The following PLBD2 variants were observed in gnomAD, a reference collection of about 807,000 sequenced individuals.
The protein encoded by PLBD2 is putative aminopeptidase PLBD2.
In PLBD2, 51 loss-of-function variants were observed where a neutral mutation model predicts 68.3. That is an observed-to-expected ratio of 0.75 (90% confidence interval 0.60 to 0.94). The LOEUF (loss-of-function observed/expected upper bound fraction) is 0.94, where lower values mean the gene tolerates loss of function less well. Among genes scored for constraint, PLBD2 ranks in the 40% least tolerant of loss-of-function variants. PLBD2 has a pLI of 0.00. For missense variants in PLBD2, 729 were observed against 792.2 expected (o/e 0.92, Z 0.96); for synonymous variants, 314 against 339.3 (o/e 0.93, Z 0.82).
At chr12:113,378,683 C>CTT (rs767651572) in intron 5 of PLBD2, among the ~76,000 whole-genome samples, 6 of 140,760 alleles carry the variant, frequency 4.3e-5, no homozygotes, top group Non-Finnish European at 6.2e-5. Flanking sequence ...TTTTCCTTTC[C>CTT]TTTTTTTTTT....
rs1393661164 is a variant in PLBD2, at chr12:113,374,804, T to A, written c.656T>A (p.Leu219His). 2 of 1,613,532 alleles carry A rather than the reference T, an allele frequency of 1.2e-6. No individual in the cohort carries two copies. The highest frequency in any genetic ancestry group is 2.7e-5 in the African/African-American group (2 of 74,890). ...CTGGCCCTCCTCAGCCTGCTGCAGC[T>A]CTCTGGGGACCTGGAAGACCTGGAG... ...IKPLGFLLLQ[L>H]SGDLEDLELA... Residue 219 changes from leucine to histidine, a missense_variant, in exon 5 of 12, where the codon CTC (leucine) becomes CAC (histidine). Coordinates refer to ENST00000280800, the MANE Select transcript of PLBD2 (RefSeq NM_173542.4).
At position 113,387,212 on chromosome 12, in the gene PLBD2, G is replaced by A. The variant is rs1957561298; in HGVS notation, c.1439+123G>A. The A allele has an allele frequency of 3.1e-6, 4 of 1,291,794 alleles. No homozygotes were observed. The Admixed American group carries it at 1.1e-4, about 36-fold the overall frequency. The allele number at this position is 1,291,794 out of a possible 1,614,324, so 80.0% of individuals were successfully genotyped here. A position where few individuals can be genotyped will look rare whatever the true frequency, so the allele number is the denominator to read the frequency against. On this transcript the variant is annotated intron_variant, in intron 10 of 11. Transcript: ENST00000280800. Reference sequence around the variant, plus strand: ...CAGCCCCAGAGGGCCAGCAGGGGGTGGTCAGATGTTGGACACCAGTGCAGC... The same window carrying A: ...CAGCCCCAGAGGGCCAGCAGGGGGTAGTCAGATGTTGGACACCAGTGCAGC...
At position 113,384,371 on chromosome 12, in the gene PLBD2, A is replaced by T. The variant is rs936135210; in HGVS notation, c.1118+106A>T. On this transcript the variant is annotated intron_variant, in intron 7 of 11. Transcript: ENST00000280800. This position sits in a 1 kb window ranked among gnomAD's most constrained non-coding sequence, Gnocchi z 4.2. ...ACCAGATGTGGCATCCGGGCCACAC[A>T]CCCCACGCCCTCCTTTGTTTCATAC... The T allele has an allele frequency of 3.7e-5, 50 of 1,346,592 alleles. No homozygotes were observed. Among genetic ancestry groups the T allele is most frequent in the Non-Finnish European group, 4.6e-5 (46 of 992,438 alleles). 83.4% of individuals were successfully genotyped at this position (1,346,592 alleles called of 1,614,324 possible).
intron 11 of PLBD2, 112 bp downstream of exon 11, chr12:113,388,018 G>C (rs879602810): frequency 7.4e-5 from 100 of 1,353,056 alleles, no homozygotes; most frequent in Non-Finnish European, 9.7e-5. Flanking sequence ...ATCACAGTCG[G>C]AATTGGGCTG....
At chr12:113,366,777 C>T (rs1447677100) in intron 1 of PLBD2, among the ~76,000 whole-genome samples, 2 of 150,542 alleles carry the variant, frequency 1.3e-5, no homozygotes, top group Non-Finnish European at 3.0e-5. Flanking sequence ...TCTCCCCACT[C>T]CCCTCCTTCC....
At position 113,380,644 on chromosome 12, in the gene PLBD2, G is replaced by A. The variant is rs575599029; in HGVS notation, c.860-101G>A. On this transcript the variant is annotated intron_variant, in intron 5 of 11. Transcript: ENST00000280800. ...AGGACACAGTGGGGGCTTCCTCGGAGGCCTGCCTGTGCCCCTGTGCCTGTG... is the reference window on the plus strand; with the variant it reads ...AGGACACAGTGGGGGCTTCCTCGGAAGCCTGCCTGTGCCCCTGTGCCTGTG... 2,578 of 902,832 alleles carry A rather than the reference G, an allele frequency of 2.9e-3. 7 individuals are homozygous for A. Among genetic ancestry groups the A allele is most frequent in the South Asian group, 5.7e-3 (396 of 69,092 alleles). 55.9% of individuals were successfully genotyped at this position (902,832 alleles called of 1,614,324 possible). A position where few individuals can be genotyped will look rare whatever the true frequency, so the allele number is the denominator to read the frequency against.
chr12:113,378,928 C>G (rs916859787), intron 5 of PLBD2, among the ~76,000 whole-genome samples: 2 of 152,186 alleles, frequency 1.3e-5, no homozygotes, highest in Admixed American at 6.5e-5. Flanking sequence ...CTGACCTTGG[C>G]CTTCCAAAGT....
At chr12:113,386,049 A>C (rs1957548841) in intron 9 of PLBD2, among the ~76,000 whole-genome samples, 1 of 152,172 alleles carries the variant, frequency 6.6e-6, no homozygotes, top group Non-Finnish European at 1.5e-5. Flanking sequence ...CCACACCCGG[A>C]CTGAAGGCAG....
chr12:113,388,340 A>G, intron 11 of PLBD2, 119 bp from the exon 12 acceptor site: 1 of 1,080,360 alleles, frequency 9.3e-7, no homozygotes, highest in Non-Finnish European at 1.3e-6. Flanking sequence ...GAGACTCAAA[A>G]AAAAAAAAAG....
chr12:113,388,830 C>T lies in PLBD2; in HGVS notation c.*204C>T, dbSNP rs2136927089. 2 of 510,144 alleles carry T rather than the reference C, an allele frequency of 3.9e-6. No individual in the cohort carries two copies. The highest frequency in any genetic ancestry group is 3.4e-5 in the South Asian group (1 of 29,138). 31.6% of individuals were successfully genotyped at this position (510,144 alleles called of 1,614,324 possible). ...CTCTCTCCCCCGAGGTGGGTGGGCA[C>T]CGTGGCGTCTCTTCTGCCCTGCCCT... On this transcript the variant is annotated 3_prime_UTR_variant, in exon 12 of 12. Coordinates refer to ENST00000280800, the MANE Select transcript of PLBD2 (RefSeq NM_173542.4).
chr12:113,380,892 G>T (rs1403265164), intron 6 of PLBD2, 50 bp downstream of exon 6: 1 of 1,495,256 alleles, frequency 6.7e-7, no homozygotes, highest in South Asian at 1.2e-5. Context: ...TTGTCACACG[G>T]CGGCTCTGAG....
At position 113,384,781 on chromosome 12, in the gene PLBD2, A is replaced by C; in HGVS notation, c.1119-70A>C. 1 of 1,298,224 alleles carries C rather than the reference A, an allele frequency of 7.7e-7. No individual in the cohort carries two copies. Among genetic ancestry groups the C allele is most frequent in the Non-Finnish European group, 1.1e-6 (1 of 902,860 alleles). 80.4% of individuals were successfully genotyped at this position (1,298,224 alleles called of 1,614,324 possible). A position where few individuals can be genotyped will look rare whatever the true frequency, so the allele number is the denominator to read the frequency against. On this transcript the variant is annotated intron_variant, in intron 7 of 11. Coordinates refer to ENST00000280800, the MANE Select transcript of PLBD2 (RefSeq NM_173542.4). This position sits in a 1 kb window ranked among gnomAD's most constrained non-coding sequence, Gnocchi z 4.2. ...CCTGTAATTCCTAGCTGAGTGGGAC[A>C]CTGCAGGGTGGGGAAAGCTGGGGAG...
chr12:113,388,335 TC>T, intron 11 of PLBD2, 123 bp from the exon 12 acceptor site: 1 of 872,616 alleles, frequency 1.1e-6, no homozygotes, highest in African/African-American at 1.8e-5. Flanking sequence ...GAGCAGAGAC[TC>T]AAAAAAAAAA....
chr12:113,378,301 A>G (rs1243925404), intron 5 of PLBD2, among the ~76,000 whole-genome samples: 1 of 152,116 alleles, frequency 6.6e-6, no homozygotes, highest in African/African-American at 2.4e-5. Flanking sequence ...CAAAAAAAAA[A>G]AAAAATTTCC....
intron 1 of PLBD2, among the ~76,000 whole-genome samples, chr12:113,359,811 CAG>C (rs66697127): frequency 0.036 from 5,551 of 152,284 alleles, 149 homozygotes; most frequent in Middle Eastern, 0.092. Flanking sequence ...GAAGAGAAAT[CAG>C]AGTCAGTGGG....
chr12:113,366,014 A>G (rs1957339102), intron 1 of PLBD2, among the ~76,000 whole-genome samples: 1 of 152,138 alleles, frequency 6.6e-6, no homozygotes, highest in Admixed American at 6.5e-5. Flanking sequence ...AGCATTTTGA[A>G]GGCCAGATGA....
chr12:113,366,008 T>G (rs1329840263), intron 1 of PLBD2, among the ~76,000 whole-genome samples: 1 of 152,200 alleles, frequency 6.6e-6, no homozygotes, highest in Non-Finnish European at 1.5e-5. Context: ...GCCACTAGCA[T>G]TTTGAAGGCC....
At chr12:113,360,094 C>T (rs1028142599) in intron 1 of PLBD2, among the ~76,000 whole-genome samples, 17 of 152,130 alleles carry the variant, frequency 1.1e-4, no homozygotes, top group Admixed American at 3.9e-4. Flanking sequence ...CACAGGATGC[C>T]GAGGACACCC....
intron 6 of PLBD2, 111 bp downstream of exon 6, chr12:113,380,953 C>A: frequency 9.4e-7 from 1 of 1,058,440 alleles, no homozygotes; most frequent in South Asian, 1.4e-5. Context: ...CAGCCCAGTG[C>A]TGGGTGCCAT....
Sources: allele counts gnomAD v4.1 joint callset (sites outside exome capture counted in the v4.1 genomes callset), GRCh38; gene constraint gnomAD v4.1.1; non-coding constraint Gnocchi (gnomAD v3.1); transcripts MANE v1.5; gene names NCBI Gene and HGNC (gene_info 2026-07-23, HGNC 2026-07-21).